Variants in PNPLA7 observed in about 807,000 individuals in gnomAD.
PNPLA7 encodes the protein patatin-like phospholipase domain-containing protein 7.
A neutral mutation model predicts 161.7 loss-of-function variants in PNPLA7; 153 were observed. That is an observed-to-expected ratio of 0.95 (90% CI 0.83 to 1.08). PNPLA7 has a LOEUF of 1.08. PNPLA7 is among the 50% of genes least tolerant of loss of function. PNPLA7 has a pLI of 0.00. For missense variants in PNPLA7, 1,739 were observed against 1,856.6 expected (o/e 0.94, Z 1.16); for synonymous variants, 809 against 782.1 (o/e 1.03, Z -0.57).
At chr9:137,481,084 G>T in intron 21 of PNPLA7, 61 bp from the exon 22 acceptor site, 1 of 1,520,006 alleles carries the variant, frequency 6.6e-7, no homozygotes, top group Non-Finnish European at 8.9e-7. Flanking sequence ...ACGCCAACAA[G>T]GCACCGACAC....
chr9:137,464,935 TC>T (rs1291819132), intron 26 of PNPLA7: 1 of 165,616 alleles, frequency 6.0e-6, no homozygotes, highest in African/African-American at 2.4e-5. Flanking sequence ...ACTGCGGTAC[TC>T]CATCAGGGGT....
Position 137,495,119 on chromosome 9 carries a change from C to T in PNPLA7, c.2041G>A (p.Ala681Thr), listed in dbSNP as rs370456405. The T allele has an allele frequency of 1.7e-5, 28 of 1,605,972 alleles. No homozygotes were observed. The African/African-American group carries it at 3.1e-4, about 18-fold the overall frequency. Residue 681 changes from alanine to threonine, a missense_variant, in exon 19 of 35, where the codon GCG (alanine) becomes ACG (threonine). Transcript: ENST00000406427. Reference sequence around the variant, plus strand: ...TCCCGAACGGCATGCACCGTGGTCGCCCGGGCCTGGTGGGTCAGTGTCTCC... The same window carrying T: ...TCCCGAACGGCATGCACCGTGGTCGTCCGGGCCTGGTGGGTCAGTGTCTCC... ...VVETLTHQARATTVHAVRDSE... is the reference protein window; with the variant it reads ...VVETLTHQARTTTVHAVRDSE...
At chr9:137,462,966 A>T (rs1011652750) in intron 29 of PNPLA7, 133 bp from the exon 30 acceptor site, 9 of 1,261,090 alleles carry the variant, frequency 7.1e-6, no homozygotes. Flanking sequence ...TTCTAGAGGC[A>T]GAAGACCCAC....
In PNPLA7 at chr9:137,462,128, C is replaced by T; in HGVS notation, c.3645+51G>A. ...AAAAGGGGGAAGCGAGGAGGGGCAG[C>T]CACCAGAGTGCCTCCGCCCGCCTCC... On this transcript the variant is annotated intron_variant, in intron 31 of 34. Coordinates refer to ENST00000406427, the MANE Select transcript of PNPLA7 (RefSeq NM_001098537.3). The T allele has an allele frequency of 1.3e-6, 2 of 1,527,572 alleles. No homozygotes were observed. Among genetic ancestry groups the T allele is most frequent in the South Asian group, 1.3e-5 (1 of 79,900 alleles). The allele number at this position is 1,527,572 out of a possible 1,614,324, so 94.6% of individuals were successfully genotyped here.
rs1026488860 is a variant in PNPLA7 at position 137,476,803 on chromosome 9, G to T, written c.2882+1231C>A. Among the ~76,000 whole-genome samples, 4 of 152,216 alleles carry T rather than the reference G, an allele frequency of 2.6e-5. No homozygotes were observed. Among genetic ancestry groups the T allele is most frequent in the Non-Finnish European group, 5.9e-5 (4 of 68,038 alleles). On this transcript the variant is annotated intron_variant, in intron 25 of 34. Coordinates refer to ENST00000406427, the MANE Select transcript of PNPLA7 (RefSeq NM_001098537.3). This position sits in a 1 kb window ranked among gnomAD's most constrained non-coding sequence, Gnocchi z 4.5. ...AGACTTGGGTCCTGTCCCCAGCCTG[G>T]CAACCTCAGGCAAGCCATTGAACTG...
chr9:137,534,306 C>G (rs570192892), intron 8 of PNPLA7, among the ~76,000 whole-genome samples: 90 of 149,618 alleles, frequency 6.0e-4, no homozygotes, highest in Non-Finnish European at 1.2e-3. Context: ...CACTCCCAGG[C>G]TCCTCCCCAA....
In PNPLA7 at chr9:137,478,145, A is replaced by G; in HGVS notation, c.2771T>C (p.Met924Thr). The G allele has an allele frequency of 1.5e-6, 2 of 1,306,042 alleles. No homozygotes were observed. The highest frequency in any genetic ancestry group is 2.0e-4 in the Middle Eastern group (1 of 4,994). The allele number at this position is 1,306,042 out of a possible 1,614,324, so 80.9% of individuals were successfully genotyped here. ...GGGCCGCTGGAAGACATGCTTGTAC[A>G]TCTCCACCTGGGGGAGGAGCCGTCA... ...SRRSLPKLVE[M>T]YKHVFQRPPD... Residue 924 changes from methionine (M) to threonine (T), a missense_variant, in exon 25 of 35, where the codon ATG becomes ACG. Around this residue, in one of 6 missense-constraint regions of PNPLA7, gnomAD observed 703 missense variants for 694.6 expected, o/e 1.01. Coordinates refer to ENST00000406427, the MANE Select transcript of PNPLA7 (RefSeq NM_001098537.3).
intron 14 of PNPLA7, among the ~76,000 whole-genome samples, chr9:137,502,773 C>T (rs1350211213): frequency 1.9e-5 from 2 of 104,146 alleles, no homozygotes; most frequent in Non-Finnish European, 3.8e-5. Context: ...GTGACATGGA[C>T]GAGGCCGCTG....
At position 137,491,042 on chromosome 9, in the gene PNPLA7, A is replaced by G. The variant is rs373906609; in HGVS notation, c.2197+1971T>C. On this transcript the variant is annotated intron_variant, in intron 20 of 34. Transcript: ENST00000406427. ...TGAAAATGTCACATGAAGAGACATCATGGAAACCACAGTTGATAATTATAA... is the reference window on the plus strand; with the variant it reads ...TGAAAATGTCACATGAAGAGACATCGTGGAAACCACAGTTGATAATTATAA... Among the ~76,000 whole-genome samples, 28 of 152,232 alleles carry G rather than the reference A, an allele frequency of 1.8e-4. No homozygotes were observed. In the East Asian group the frequency reaches 2.1e-3, roughly 11 times the overall value.
rs758684401 is a variant in PNPLA7 at position 137,461,882 on chromosome 9, ACTGGGCGCGGTCCGGGGAG to A, written c.3756+30_3756+48del. The stretch of plus-strand genomic sequence containing the variant: ...ACTGGGCGTGGGCGTGGCCCGAAGA[ACTGGGCGCGGTCCGGGGAG>A]CTGGGCGTGGTCCGGACGCCCGTAC... On this transcript the variant is annotated intron_variant, in intron 32 of 34. Coordinates refer to ENST00000406427, the MANE Select transcript of PNPLA7 (RefSeq NM_001098537.3). The A allele has an allele frequency of 1.3e-5, 19 of 1,449,790 alleles. No homozygotes were observed. In the Admixed American group the frequency reaches 3.0e-4, roughly 23 times the overall value. The allele number at this position is 1,449,790 out of a possible 1,614,324, so 89.8% of individuals were successfully genotyped here.
At chr9:137,525,076 G>A (rs1307541597) in intron 8 of PNPLA7, among the ~76,000 whole-genome samples, 4 of 152,226 alleles carry the variant, frequency 2.6e-5, no homozygotes, top group African/African-American at 9.6e-5. Flanking sequence ...AGTTTCAGGA[G>A]GGAGCTGGCC....
chr9:137,539,370 CA>C (rs1177824400), intron 8 of PNPLA7, among the ~76,000 whole-genome samples: 2 of 151,870 alleles, frequency 1.3e-5, no homozygotes, highest in African/African-American at 4.8e-5. Flanking sequence ...AAACAAAAAA[CA>C]AAAAAACTTC....
At chr9:137,480,087 G>A (rs1313537812) in intron 23 of PNPLA7, among the ~76,000 whole-genome samples, 2 of 152,230 alleles carry the variant, frequency 1.3e-5, no homozygotes, top group African/African-American at 4.8e-5. Context: ...CGGAGGCTGC[G>A]GCTTCACAAG....
At chr9:137,510,141 G>A (rs1320303424) in intron 12 of PNPLA7, among the ~76,000 whole-genome samples, 1 of 152,164 alleles carries the variant, frequency 6.6e-6, no homozygotes, top group Non-Finnish European at 1.5e-5. Flanking sequence ...TGGTCCAGCG[G>A]TAGCAAAAGG....
chr9:137,460,735 C>A lies in PNPLA7; in HGVS notation c.3844G>T (p.Glu1282Ter). ...EPAKPAMVDD[E>*]SDYQTEYEEE... ...TCGTACTCCGTCTGGTAGTCAGATT[C>A]GTCTGGCACCGAGGGTAGGGCTGCG... Residue 1282 changes from glutamate to a stop codon, truncating the protein, a stop_gained and splice_region_variant, in exon 34 of 35, where the codon GAA becomes TAA. Transcript: ENST00000406427. LOFTEE classifies it high-confidence loss of function. 6.2e-7 allele frequency: 1 copy of A among 1,612,094 alleles called. No homozygotes were observed. The highest frequency in any genetic ancestry group is 8.5e-7 in the Non-Finnish European group (1 of 1,179,502).
rs369818384 is a variant in PNPLA7, at chr9:137,514,180, C to T, written c.1225+1199G>A. Among the ~76,000 whole-genome samples the T allele has an allele frequency of 1.1e-4, 17 of 148,148 alleles. No homozygotes were observed. In the South Asian group the frequency reaches 3.5e-3, roughly 30 times the overall value. ...GGCGTGTCACCCGGCTGTTGAGGTG[C>T]CCGGGCCCTGTGGCTGGGCTGCAGG... On this transcript the variant is annotated intron_variant, in intron 12 of 34. Coordinates refer to ENST00000406427, the MANE Select transcript of PNPLA7 (RefSeq NM_001098537.3).
intron 27 of PNPLA7, 22 bp downstream of exon 27, chr9:137,464,318 G>C: frequency 6.2e-7 from 1 of 1,609,408 alleles, no homozygotes; most frequent in Non-Finnish European, 8.5e-7. Flanking sequence ...GGCTGCATGG[G>C]CTCCTGAGGG....
At chr9:137,485,287 C>T (rs941001030) in intron 20 of PNPLA7, among the ~76,000 whole-genome samples, 6 of 152,170 alleles carry the variant, frequency 3.9e-5, no homozygotes, top group African/African-American at 4.8e-5. Context: ...ACCAGACAAA[C>T]GCTGCAGGTG....
chr9:137,505,031 A>G (rs1156327617), intron 14 of PNPLA7, among the ~76,000 whole-genome samples: 1 of 152,102 alleles, frequency 6.6e-6, no homozygotes, highest in East Asian at 1.9e-4. Flanking sequence ...TCTACTAAAA[A>G]TACAAAATTT....
Sources: gnomAD v4.1 joint callset for allele counts (sites outside exome capture counted in the v4.1 genomes callset) on GRCh38, gnomAD v4.1.1 for gene constraint, gnomAD v4.1.1 regional missense constraint, Gnocchi (gnomAD v3.1) non-coding constraint, MANE v1.5 for transcripts, NCBI Gene and HGNC (gene_info 2026-07-23, HGNC 2026-07-21) for gene names.